The following TLE3 variants were observed in gnomAD, a reference collection of about 807,000 sequenced individuals.
TLE3 encodes the protein transducin-like enhancer protein 3.
In TLE3, 14 loss-of-function variants were observed where a neutral mutation model predicts 93.0. That is an observed-to-expected ratio of 0.15 (90% confidence interval 0.10 to 0.24). The LOEUF (loss-of-function observed/expected upper bound fraction) is 0.24, where lower values mean the gene tolerates loss of function less well. Among genes scored for constraint, TLE3 ranks in the 10% least tolerant of loss-of-function variants. The pLI, the probability that TLE3 is intolerant of heterozygous loss-of-function variation, is 1.00. For synonymous variants in TLE3, 451 were observed against 425.0 expected, an observed-to-expected ratio of 1.06 and a Z score of -0.75; for missense variants, 693 against 1,046.6, an observed-to-expected ratio of 0.66 and a Z score of 4.66.
chr15:70,096,060 C>T, intron 2 of TLE3, 101 bp downstream of exon 2: 1 of 1,364,222 alleles, frequency 7.3e-7, no homozygotes, highest in Admixed American at 2.4e-5. Context: ...CCCCGCCGCC[C>T]CTAGGTCGGG....
In TLE3 at chr15:70,058,494, C is replaced by T. The variant is rs2056239472; in HGVS notation, c.918+169G>A. ...CATTTTACAGACGTAGCAACCGAGGCTCAGAAACGTTAACTCATTAGCACA... is the reference window on the plus strand; with the variant it reads ...CATTTTACAGACGTAGCAACCGAGGTTCAGAAACGTTAACTCATTAGCACA... On this transcript the variant is annotated intron_variant, in intron 11 of 19. Transcript: ENST00000451782. This position sits in a 1 kb window ranked among gnomAD's most constrained non-coding sequence, Gnocchi z 4.1. The T allele has an allele frequency of 1.2e-5, 15 of 1,288,438 alleles. No individual in the cohort carries two copies. The highest frequency in any genetic ancestry group is 2.8e-4 in the Middle Eastern group (1 of 3,584). The allele number at this position is 1,288,438 out of a possible 1,614,324, so 79.8% of individuals were successfully genotyped here.
At chr15:70,074,782 T>C (rs2057360813) in intron 5 of TLE3, among the ~76,000 whole-genome samples, 175 bp from the exon 6 acceptor site, 2 of 152,194 alleles carry the variant, frequency 1.3e-5, no homozygotes, top group Admixed American at 1.3e-4. Context: ...ACTTTCTCTT[T>C]TAGACCTTTT....
At chr15:70,057,370 C>T in intron 13 of TLE3, 89 bp downstream of exon 13, 2 of 1,444,816 alleles carry the variant, frequency 1.4e-6, no homozygotes, top group Non-Finnish European at 1.8e-6. Flanking sequence ...CCCTGAGGGG[C>T]CCCTTTAGCA....
At chr15:70,077,633 G>A (rs2141846907) in intron 4 of TLE3, among the ~76,000 whole-genome samples, 1 of 152,336 alleles carries the variant, frequency 6.6e-6, no homozygotes, top group South Asian at 2.1e-4. Flanking sequence ...GTTTTTGCAG[G>A]CCTGTGTCCT....
chr15:70,064,489 A>G lies in TLE3; in HGVS notation c.578-19T>C, dbSNP rs913173595. The G allele has an allele frequency of 3.1e-6, 5 of 1,613,960 alleles. No homozygotes were observed. In the East Asian group the frequency reaches 6.7e-5, roughly 22 times the overall value. ...TCTCTCTCTTTGGGGAAAGAAGGCC[A>G]GGACAGGAGGAAGGTCAGGCACCCC... On this transcript the variant is annotated intron_variant, in intron 7 of 19. Coordinates refer to ENST00000451782, the MANE Select transcript of TLE3 (RefSeq NM_001105192.3).
intron 17 of TLE3, 119 bp from the exon 18 acceptor site, chr15:70,052,643 A>G: frequency 1.7e-6 from 2 of 1,169,936 alleles, no homozygotes; most frequent in Non-Finnish European, 2.3e-6. Flanking sequence ...CCACCCACCC[A>G]ATAACCCAGG....
chr15:70,074,424 C>T (rs148438415), intron 6 of TLE3, 109 bp downstream of exon 6: 201 of 1,372,888 alleles, frequency 1.5e-4, no homozygotes, highest in Middle Eastern at 1.3e-3. Flanking sequence ...GCCCTGGGGC[C>T]GCCATTCTTT....
chr15:70,085,149 G>A (rs988441434), intron 4 of TLE3, among the ~76,000 whole-genome samples: 5 of 152,204 alleles, frequency 3.3e-5, no homozygotes, highest in Non-Finnish European at 2.9e-5. Context: ...GGACAGCACT[G>A]CCGCAACAGG....
Position 70,096,849 on chromosome 15 carries a change from C to A in TLE3, c.-51G>T. 1 of 1,593,052 alleles carries A rather than the reference C, an allele frequency of 6.3e-7. No individual in the cohort carries two copies. Among genetic ancestry groups the A allele is most frequent in the Non-Finnish European group, 8.6e-7 (1 of 1,167,932 alleles). On this transcript the variant is annotated 5_prime_UTR_variant, in exon 1 of 20. Transcript: ENST00000451782. ...AGCGTGGAAGCGCCGAGAGCCCGGG[C>A]CGGGGAGGTGCGGGGGAGGGGGGAG...
At chr15:70,084,666 C>G (rs2057957340) in intron 4 of TLE3, among the ~76,000 whole-genome samples, 1 of 152,198 alleles carries the variant, frequency 6.6e-6, no homozygotes, top group Non-Finnish European at 1.5e-5. Flanking sequence ...TGCTGTGCAA[C>G]AATGAGCAAG....
intron 2 of TLE3, 186 bp downstream of exon 2, chr15:70,095,975 C>T: frequency 1.3e-6 from 1 of 765,322 alleles, no homozygotes; most frequent in Admixed American, 3.0e-5. Flanking sequence ...GCGCTGGGAG[C>T]CGGGCTGCTG....
chr15:70,078,844 G>A (rs112780846), intron 4 of TLE3, among the ~76,000 whole-genome samples: 3 of 152,218 alleles, frequency 2.0e-5, no homozygotes, highest in Non-Finnish European at 4.4e-5. Context: ...CAGTCTCTGG[G>A]AGAGCAGGGA....
chr15:70,064,601 A>C (rs1179414347), intron 7 of TLE3, 131 bp from the exon 8 acceptor site: 2 of 1,254,000 alleles, frequency 1.6e-6, no homozygotes, highest in Admixed American at 4.1e-5. Context: ...TTTTAAAATG[A>C]GCAGAAGGCC....
Position 70,057,632 on chromosome 15 carries a change from T to C in TLE3, c.1078A>G (p.Ile360Val), listed in dbSNP as rs773913065. ...AAGGGCGCCGCATAGGAGCTGGTGA[T>C]GGAGATGGGCGTGCGCAGAGCCGAG... ...IASALRTPISITSSYAAPFAM... is the reference protein window; with the variant it reads ...IASALRTPISVTSSYAAPFAM... The change falls in exon 13 of 20, where the codon ATC (isoleucine) becomes GTC (valine). Residue 360 changes from isoleucine to valine, a missense_variant. Physicochemically the swap from Ile to Val is conservative, Grantham distance 29. Transcript: ENST00000451782. The C allele has an allele frequency of 8.2e-6, 13 of 1,583,716 alleles. No homozygotes were observed. The highest frequency in any genetic ancestry group is 1.1e-5 in the Non-Finnish European group (13 of 1,168,828).
At chr15:70,050,920 T>C (rs2055471246) in intron 19 of TLE3, 2 of 160,734 alleles carry the variant, frequency 1.2e-5, no homozygotes, top group Admixed American at 1.2e-4. Flanking sequence ...TCCTGGTAGA[T>C]TATAAAAAGC....
chr15:70,096,351 CAA>C (rs967085425), intron 1 of TLE3, 90 bp from the exon 2 acceptor site: 2 of 1,515,604 alleles, frequency 1.3e-6, no homozygotes, highest in Admixed American at 2.4e-5. Context: ...GGCGCCCAAC[CAA>C]AAGAGGCCAC....
At chr15:70,077,219 G>C (rs914650106) in intron 4 of TLE3, among the ~76,000 whole-genome samples, 1 of 152,194 alleles carries the variant, frequency 6.6e-6, no homozygotes, top group Non-Finnish European at 1.5e-5. Context: ...TTAGATCTCA[G>C]ATCAAGAGTG....
chr15:70,065,992 C>G, intron 7 of TLE3, 22 bp downstream of exon 7: 1 of 1,593,772 alleles, frequency 6.3e-7, no homozygotes, highest in Non-Finnish European at 8.6e-7. Context: ...CCGCCCCACC[C>G]TCTGCCCCAG....
intron 2 of TLE3, 115 bp from the exon 3 acceptor site, chr15:70,095,756 G>A: frequency 3.8e-6 from 5 of 1,305,890 alleles, no homozygotes; most frequent in Non-Finnish European, 5.2e-6. Context: ...CCCCGGGGGC[G>A]CCCCCATTAT....
Sources: gnomAD v4.1 joint callset for allele counts (sites outside exome capture counted in the v4.1 genomes callset) on GRCh38, gnomAD v4.1.1 for gene constraint, Gnocchi (gnomAD v3.1) non-coding constraint, MANE v1.5 for transcripts, NCBI Gene and HGNC (gene_info 2026-07-23, HGNC 2026-07-21) for gene names.